The following CYP4F12 variants were observed in gnomAD, a reference collection of about 807,000 sequenced individuals.
The protein encoded by CYP4F12 is cytochrome P450 family 4 subfamily F member 12, also known as cytochrome P450 4F12.
In CYP4F12, 60 loss-of-function variants were observed where a neutral mutation model predicts 56.5. The observed-to-expected ratio is 1.06, with a 90% confidence interval of 0.86 to 1.32. The LOEUF is 1.32. CYP4F12 is among the 40% of genes most tolerant of loss of function. The probability of loss-of-function intolerance (pLI) is 0.00; values close to 1 mark genes in which losing one functional copy is unlikely to be tolerated. For missense variants in CYP4F12, 711 were observed against 683.5 expected (o/e 1.04, Z -0.45); for synonymous variants, 263 against 264.9 (o/e 0.99, Z 0.07).
intron 9 of CYP4F12, among the ~76,000 whole-genome samples, chr19:15,692,435 T>C (rs1440478955): frequency 6.6e-6 from 1 of 152,180 alleles, no homozygotes. Flanking sequence ...ATCTTTTCAT[T>C]TGATGGTTAT....
intron 9 of CYP4F12, among the ~76,000 whole-genome samples, chr19:15,690,111 G>C (rs4109350): frequency 1.3e-5 from 2 of 152,082 alleles, no homozygotes; most frequent in African/African-American, 4.8e-5. Flanking sequence ...ATAAAAGGAA[G>C]TAAAGAAGAG....
intron 9 of CYP4F12, among the ~76,000 whole-genome samples, chr19:15,694,689 C>G (rs1179553965): frequency 2.0e-5 from 3 of 152,222 alleles, no homozygotes; most frequent in African/African-American, 7.2e-5. Context: ...ATTTCCTTCT[C>G]CTGCCTAATT....
intron 5 of CYP4F12, 49 bp downstream of exon 5, chr19:15,680,568 A>G: frequency 6.2e-7 from 1 of 1,613,400 alleles, no homozygotes; most frequent in Non-Finnish European, 8.5e-7. Context: ...GGGTGGAGGG[A>G]CCATGGACAC....
intron 9 of CYP4F12, among the ~76,000 whole-genome samples, chr19:15,694,202 GTAGT>G: frequency 1.0e-5 from 1 of 100,198 alleles, no homozygotes; most frequent in African/African-American, 3.3e-5. Flanking sequence ...GAACTTTAAA[GTAGT>G]TTTTTCCAAT....
At chr19:15,695,155 T>C (rs1308430810) in intron 9 of CYP4F12, among the ~76,000 whole-genome samples, 2 of 151,988 alleles carry the variant, frequency 1.3e-5, no homozygotes, top group African/African-American at 4.8e-5. Flanking sequence ...ATATACACCA[T>C]GGAATACTAT....
chr19:15,686,485 G>T (rs62106492), intron 9 of CYP4F12, among the ~76,000 whole-genome samples: 16,749 of 151,786 alleles, frequency 0.11, 1,013 homozygotes, highest in Middle Eastern at 0.14. Context: ...GGAGGGAGAA[G>T]TAAGAGGGAG....
chr19:15,673,712 G>T lies in CYP4F12; in HGVS notation c.183G>T (p.Trp61Cys), dbSNP rs757126588. The T allele has an allele frequency of 6.2e-7, 1 of 1,614,086 alleles. No individual in the cohort carries two copies. Among genetic ancestry groups the T allele is most frequent in the East Asian group, 2.2e-5 (1 of 44,876 alleles). Residue 61 changes from tryptophan (W) to cysteine (C), a missense_variant, in exon 2 of 13, where the codon TGG becomes TGT. Coordinates refer to ENST00000550308, the MANE Select transcript of CYP4F12 (RefSeq NM_023944.4). ...AGCCCCCAAAACGGAACTGGTTTTG[G>T]GGTCACCTGGGCCTGGTGAGTGTGA... ...FPQPPKRNWF[W>C]GHLGLITPTE...
At chr19:15,690,094 T>C (rs2007804349) in intron 9 of CYP4F12, among the ~76,000 whole-genome samples, 1 of 152,214 alleles carries the variant, frequency 6.6e-6, no homozygotes, top group Non-Finnish European at 1.5e-5. Flanking sequence ...TCCCAAATGC[T>C]ATTGAAATAA....
chr19:15,683,520 C>G lies in CYP4F12; in HGVS notation c.675C>G (p.Ile225Met). ...QERPSEYIAT[I>M]LELSALVEKR... ...GGCCCAGTGAATATATTGCCACCAT[C>G]TTGGAGCTCAGTGCCCTTGTAGAGA... The change falls in exon 7 of 13, where the codon ATC (isoleucine) becomes ATG (methionine). Residue 225 changes from isoleucine (I) to methionine (M), a missense_variant. Coordinates refer to ENST00000550308, the MANE Select transcript of CYP4F12 (RefSeq NM_023944.4). 8 of 1,608,668 alleles carry G rather than the reference C, an allele frequency of 5.0e-6. No individual in the cohort carries two copies. The highest frequency in any genetic ancestry group is 6.8e-6 in the Non-Finnish European group (8 of 1,177,814).
chr19:15,683,001 T>C (rs567771946), intron 6 of CYP4F12, among the ~76,000 whole-genome samples: 4 of 152,018 alleles, frequency 2.6e-5, no homozygotes, highest in Admixed American at 6.6e-5. Context: ...CCTCAGAAAA[T>C]GTTGGGATTA....
intron 9 of CYP4F12, among the ~76,000 whole-genome samples, chr19:15,687,619 CTG>C (rs779890416): frequency 1.3e-5 from 2 of 151,634 alleles, no homozygotes; most frequent in Non-Finnish European, 2.9e-5. Context: ...GCATTCTACT[CTG>C]TGAGACAGGT....
rs536388045 is a variant in CYP4F12, at chr19:15,683,627, G to A, written c.782G>A (p.Arg261His). ...HDGRRFHRAC[R>H]LVHDFTDAVI... Reference sequence around the variant, plus strand: ...GGGCGGCGCTTCCACAGGGCCTGCCGCCTGGTGCATGACTTCACAGACGCT... The same window carrying A: ...GGGCGGCGCTTCCACAGGGCCTGCCACCTGGTGCATGACTTCACAGACGCT... The change falls in exon 7 of 13, where the codon CGC (arginine) becomes CAC (histidine). Residue 261 changes from arginine to histidine, a missense_variant. Arg to His is a conservative substitution (Grantham distance 29, BLOSUM62 0). Coordinates refer to ENST00000550308, the MANE Select transcript of CYP4F12 (RefSeq NM_023944.4). The A allele has an allele frequency of 3.9e-5, 63 of 1,614,028 alleles. No homozygotes were observed. The African/African-American group carries it at 4.5e-4, about 12-fold the overall frequency.
chr19:15,676,381 T>C (rs1336355164), intron 2 of CYP4F12, among the ~76,000 whole-genome samples: 5 of 133,660 alleles, frequency 3.7e-5, no homozygotes, highest in Non-Finnish European at 6.5e-5. Flanking sequence ...CCTCACTCAC[T>C]CATTCCTCTC....
At chr19:15,685,029 C>A (rs1240903372) in intron 8 of CYP4F12, 39 bp from the exon 9 acceptor site, 3 of 1,605,730 alleles carry the variant, frequency 1.9e-6, no homozygotes, top group Non-Finnish European at 2.6e-6. Flanking sequence ...GCTGTCCACC[C>A]TCCGGTGCTG....
At chr19:15,680,142 C>T (rs1180751897) in intron 3 of CYP4F12, 102 bp from the exon 4 acceptor site, 17 of 1,456,146 alleles carry the variant, frequency 1.2e-5, no homozygotes, top group Non-Finnish European at 1.6e-5. Context: ...TCCTGCTATG[C>T]TGGGCATGGA....
intron 12 of CYP4F12, 22 bp downstream of exon 12, chr19:15,696,534 G>A: frequency 6.2e-7 from 1 of 1,608,754 alleles, no homozygotes; most frequent in Non-Finnish European, 8.5e-7. Context: ...CTGTGTCTGA[G>A]GCAGGGATGG....
At chr19:15,682,617 T>C in intron 6 of CYP4F12, 107 bp downstream of exon 6, 1 of 1,524,104 alleles carries the variant, frequency 6.6e-7, no homozygotes, top group Admixed American at 1.8e-5. Flanking sequence ...GGAGGATTTG[T>C]ATCATAGCTG....
chr19:15,689,344 G>A lies in CYP4F12; in HGVS notation c.1115+4147G>A, dbSNP rs565740833. Among the ~76,000 whole-genome samples the A allele has an allele frequency of 2.6e-4, 40 of 152,116 alleles. 1 individual carries two copies. The South Asian group carries it at 2.7e-3, about 10-fold the overall frequency. On this transcript the variant is annotated intron_variant, in intron 9 of 12. Coordinates refer to ENST00000550308, the MANE Select transcript of CYP4F12 (RefSeq NM_023944.4). ...CAAAAGAAGATACACAAACAGCCAC[G>A]AAACATATGAAAAAATGCTCAACAT...
chr19:15,689,520 CAT>C (rs1485057290), intron 9 of CYP4F12, among the ~76,000 whole-genome samples: 1 of 152,148 alleles, frequency 6.6e-6, no homozygotes, highest in Non-Finnish European at 1.5e-5. Context: ...TGAAAATTAA[CAT>C]AACCTCTGTG....
Sources: gnomAD v4.1 joint callset for allele counts (sites outside exome capture counted in the v4.1 genomes callset) on GRCh38, gnomAD v4.1.1 for gene constraint, MANE v1.5 for transcripts, NCBI Gene and HGNC (gene_info 2026-07-23, HGNC 2026-07-21) for gene names.